Variants in CFAP210 observed in about 807,000 individuals in gnomAD.
CFAP210 encodes the protein cilia and flagella associated protein 210.
the CFAP210 span, among the ~76,000 whole-genome samples, chr2:169,679,154 A>G: frequency 1.3e-5 from 2 of 152,206 alleles, no homozygotes; most frequent in African/African-American, 4.8e-5. Context: ...AAAAATCAAT[A>G]CCTCATTGCA....
the CFAP210 span, among the ~76,000 whole-genome samples, chr2:169,692,454 A>G: frequency 1.1e-4 from 16 of 150,168 alleles, no homozygotes; most frequent in Middle Eastern, 3.4e-3. Context: ...GCACACACAC[A>G]CACACACACA....
At chr2:169,667,497 T>C in the CFAP210 span, among the ~76,000 whole-genome samples, 1 of 152,154 alleles carries the variant, frequency 6.6e-6, no homozygotes, top group Non-Finnish European at 1.5e-5. Flanking sequence ...TTCAATTTAC[T>C]TTCCCCAGAT....
chr2:169,653,595 A>AT, the CFAP210 span, among the ~76,000 whole-genome samples: 1 of 124,376 alleles, frequency 8.0e-6, no homozygotes, highest in African/African-American at 3.0e-5. Flanking sequence ...ACTTCATTTT[A>AT]AAAATTGTAC....
At chr2:169,678,558 C>A in the CFAP210 span, among the ~76,000 whole-genome samples, 1 of 152,086 alleles carries the variant, frequency 6.6e-6, no homozygotes, top group Non-Finnish European at 1.5e-5. Flanking sequence ...GGTACAGTGT[C>A]TCACGCCTGT....
the CFAP210 span, among the ~76,000 whole-genome samples, chr2:169,692,858 A>G: frequency 6.6e-6 from 1 of 152,132 alleles, no homozygotes; most frequent in African/African-American, 2.4e-5. Flanking sequence ...CTAAGTCACT[A>G]TTTTTCACTG....
At chr2:169,650,654 T>C in the CFAP210 span, 5 of 1,104,182 alleles carry the variant, frequency 4.5e-6, no homozygotes, top group Non-Finnish European at 5.9e-6. Flanking sequence ...GCTCCTTACA[T>C]ATATTATTTT....
the CFAP210 span, chr2:169,694,281 C>G: frequency 1.2e-6 from 2 of 1,614,062 alleles, no homozygotes. Context: ...CTTCGCCCGT[C>G]CACAGCGCCG....
chr2:169,657,549 C>T, the CFAP210 span, among the ~76,000 whole-genome samples: 1 of 152,046 alleles, frequency 6.6e-6, no homozygotes, highest in Non-Finnish European at 1.5e-5. Flanking sequence ...GAAACCCTGT[C>T]TCTATTAAAA....
At chr2:169,675,132 G>T in the CFAP210 span, 1 of 931,678 alleles carries the variant, frequency 1.1e-6, no homozygotes, top group East Asian at 3.2e-5. Flanking sequence ...GAGCTTTTAT[G>T]TTTTTATTGT....
the CFAP210 span, among the ~76,000 whole-genome samples, chr2:169,664,369 T>G: frequency 6.6e-6 from 1 of 152,196 alleles, no homozygotes; most frequent in Admixed American, 6.5e-5. Context: ...ATTATAACTA[T>G]GCATCCATTG....
At chr2:169,654,057 C>A in the CFAP210 span, 1 of 1,596,224 alleles carries the variant, frequency 6.3e-7, no homozygotes, top group East Asian at 2.2e-5. Flanking sequence ...CTTTATTATA[C>A]ACATTATTAA....
the CFAP210 span, among the ~76,000 whole-genome samples, chr2:169,681,513 G>C: frequency 3.3e-5 from 5 of 152,210 alleles, no homozygotes; most frequent in Non-Finnish European, 7.4e-5. Flanking sequence ...CTTTAAAATA[G>C]AGATCTCCTA....
the CFAP210 span, among the ~76,000 whole-genome samples, chr2:169,686,610 G>A: frequency 1.6e-4 from 25 of 152,260 alleles, no homozygotes; most frequent in Non-Finnish European, 3.2e-4. Flanking sequence ...GAGGATGCTA[G>A]CTCAGATCTC....
At chr2:169,691,536 C>G in the CFAP210 span, among the ~76,000 whole-genome samples, 1 of 152,170 alleles carries the variant, frequency 6.6e-6, no homozygotes, top group Non-Finnish European at 1.5e-5. Flanking sequence ...TTCCACTCCC[C>G]CTTTCCCTCT....
chr2:169,671,762 C>T, the CFAP210 span, among the ~76,000 whole-genome samples: 218 of 152,314 alleles, frequency 1.4e-3, 2 homozygotes, highest in Non-Finnish European at 1.9e-3. Flanking sequence ...TGAGCCACCG[C>T]GCCCAGCCGT....
the CFAP210 span, among the ~76,000 whole-genome samples, chr2:169,651,885 T>G: frequency 1.1e-4 from 12 of 112,108 alleles, no homozygotes; most frequent in African/African-American, 4.5e-4. Flanking sequence ...CTTTTTTTTT[T>G]TTTTTTTTAA....
chr2:169,662,270 T>G, the CFAP210 span: 1 of 1,589,860 alleles, frequency 6.3e-7, no homozygotes, highest in Non-Finnish European at 8.5e-7. Flanking sequence ...CTTTTGCCCT[T>G]TCAACTTACA....
chr2:169,686,345 T>A, the CFAP210 span, among the ~76,000 whole-genome samples: 1 of 152,216 alleles, frequency 6.6e-6, no homozygotes, highest in Non-Finnish European at 1.5e-5. Context: ...AAAAGCCAAG[T>A]AGAATTTTGA....
the CFAP210 span, among the ~76,000 whole-genome samples, chr2:169,656,964 C>CAAAAAAAAAAA: frequency 9.9e-5 from 4 of 40,298 alleles, no homozygotes; most frequent in Admixed American, 4.1e-4. Context: ...GACTCCATCT[C>CAAAAAAAAAAA]AAAAAAAAAA....
Sources: gnomAD v4.1 joint callset for allele counts (sites outside exome capture counted in the v4.1 genomes callset) on GRCh38, gnomAD v4.1.1 for gene constraint, MANE v1.5 for transcripts, NCBI Gene and HGNC (gene_info 2026-07-23, HGNC 2026-07-21) for gene names.